SLC35F1: variants seen among roughly 807,000 people sequenced by gnomAD.
SLC35F1 encodes solute carrier family 35 member F1.
A neutral mutation model predicts 48.7 loss-of-function variants in SLC35F1; 14 were observed. That is an observed-to-expected ratio of 0.29 (90% CI 0.19 to 0.45). The LOEUF is 0.45. SLC35F1 is among the 20% of genes least tolerant of loss of function. The pLI, the probability that SLC35F1 is intolerant of heterozygous loss-of-function variation, is 1.00. For synonymous variants in SLC35F1, 190 were observed against 202.2 expected, an observed-to-expected ratio of 0.94 and a Z score of 0.51; for missense variants, 404 against 500.0, an observed-to-expected ratio of 0.81 and a Z score of 1.83.
intron 1 of SLC35F1, among the ~76,000 whole-genome samples, chr6:118,067,338 G>A (rs1162701196): frequency 6.6e-6 from 1 of 152,144 alleles, no homozygotes; most frequent in Non-Finnish European, 1.5e-5. Context: ...GCAGAGAAAT[G>A]GCTGGTGCTA....
chr6:118,136,900 G>A (rs1773805648), intron 1 of SLC35F1, among the ~76,000 whole-genome samples: 1 of 152,056 alleles, frequency 6.6e-6, no homozygotes, highest in African/African-American at 2.4e-5. Flanking sequence ...TTCTTCAAAG[G>A]GCCTCATTTC....
chr6:117,947,524 CA>C (rs1252883778), intron 1 of SLC35F1, among the ~76,000 whole-genome samples: 1 of 152,046 alleles, frequency 6.6e-6, no homozygotes, highest in Non-Finnish European at 1.5e-5. Context: ...TGGGCAAGAA[CA>C]GAATTAGAGA....
chr6:117,978,958 G>A (rs1370225579), intron 1 of SLC35F1, among the ~76,000 whole-genome samples: 1 of 152,168 alleles, frequency 6.6e-6, no homozygotes, highest in African/African-American at 2.4e-5. Flanking sequence ...TTGGGGGCAT[G>A]TGGAGCTTGC....
At chr6:118,247,043 G>C (rs1452568043) in intron 3 of SLC35F1, among the ~76,000 whole-genome samples, 1 of 152,162 alleles carries the variant, frequency 6.6e-6, no homozygotes, top group Admixed American at 6.5e-5. Flanking sequence ...GACAGGTCCT[G>C]TTACTCACAT....
intron 1 of SLC35F1, among the ~76,000 whole-genome samples, chr6:117,946,988 A>T (rs550159660): frequency 1.3e-5 from 2 of 152,350 alleles, no homozygotes; most frequent in South Asian, 4.1e-4. Flanking sequence ...ATCTGTTTTC[A>T]TGGAGCTTAC....
intron 1 of SLC35F1, among the ~76,000 whole-genome samples, chr6:118,126,595 G>C (rs1174694806): frequency 3.3e-5 from 5 of 151,282 alleles, no homozygotes; most frequent in Non-Finnish European, 7.4e-5. Flanking sequence ...TCACGATATT[G>C]ATTCTTCCTA....
At chr6:118,248,359 G>A (rs1775533370) in intron 3 of SLC35F1, among the ~76,000 whole-genome samples, 1 of 152,134 alleles carries the variant, frequency 6.6e-6, no homozygotes, top group Non-Finnish European at 1.5e-5. Flanking sequence ...ACTTTACATA[G>A]CAAAAAAGAC....
At chr6:118,067,375 T>C (rs1415114675) in intron 1 of SLC35F1, among the ~76,000 whole-genome samples, 1 of 151,992 alleles carries the variant, frequency 6.6e-6, no homozygotes, top group Non-Finnish European at 1.5e-5. Flanking sequence ...GTCATCAAGG[T>C]TTAGGTTGAA....
intron 1 of SLC35F1, among the ~76,000 whole-genome samples, chr6:117,912,610 GTTGA>G (rs1389184882): frequency 9.9e-5 from 15 of 152,188 alleles, no homozygotes; most frequent in Admixed American, 8.5e-4. Flanking sequence ...TAGTAATGAG[GTTGA>G]TTAATATAAA....
At chr6:118,076,715 A>C (rs951936647) in intron 1 of SLC35F1, among the ~76,000 whole-genome samples, 4 of 152,226 alleles carry the variant, frequency 2.6e-5, no homozygotes, top group Non-Finnish European at 5.9e-5. Flanking sequence ...CCAAACCGTT[A>C]TCAGTTGGTT....
intron 1 of SLC35F1, among the ~76,000 whole-genome samples, chr6:118,088,029 A>G (rs548971814): frequency 5.3e-5 from 8 of 152,364 alleles, no homozygotes; most frequent in African/African-American, 1.9e-4. Flanking sequence ...TTATAGTTAC[A>G]CATATTCTTA....
chr6:118,124,921 G>C (rs1582678997), intron 1 of SLC35F1, among the ~76,000 whole-genome samples: 2 of 152,128 alleles, frequency 1.3e-5, no homozygotes, highest in East Asian at 3.9e-4. Context: ...GTGCAAAATA[G>C]ATGGTGGCAA....
chr6:117,944,169 T>C (rs1215434814), intron 1 of SLC35F1, among the ~76,000 whole-genome samples: 1 of 152,252 alleles, frequency 6.6e-6, no homozygotes, highest in East Asian at 1.9e-4. Context: ...TATTCAAATA[T>C]AAAACTTGAA....
intron 2 of SLC35F1, among the ~76,000 whole-genome samples, chr6:118,215,007 C>A (rs1311524567): frequency 6.6e-6 from 1 of 152,018 alleles, no homozygotes; most frequent in East Asian, 1.9e-4. Flanking sequence ...AATCCGTGTC[C>A]CAAGACATTT....
chr6:118,290,687 A>T (rs534945147), intron 7 of SLC35F1, among the ~76,000 whole-genome samples: 2 of 152,086 alleles, frequency 1.3e-5, no homozygotes, highest in African/African-American at 2.4e-5. Context: ...CCCTGTCTCT[A>T]ACATTGGCCT....
chr6:118,185,283 T>C (rs56128767), intron 2 of SLC35F1, among the ~76,000 whole-genome samples: 19,817 of 152,220 alleles, frequency 0.13, 1,597 homozygotes, highest in Non-Finnish European at 0.18. Context: ...AAAATCCTTA[T>C]TCCTTTATCT....
At chr6:117,984,846 T>C (rs1776829116) in intron 1 of SLC35F1, among the ~76,000 whole-genome samples, 1 of 152,158 alleles carries the variant, frequency 6.6e-6, no homozygotes, top group African/African-American at 2.4e-5. Flanking sequence ...TTAACCAGAG[T>C]GCATGACAGA....
intron 7 of SLC35F1, among the ~76,000 whole-genome samples, chr6:118,301,969 T>C (rs2114660605): frequency 6.6e-6 from 1 of 152,292 alleles, no homozygotes; most frequent in Non-Finnish European, 1.5e-5. Flanking sequence ...AGGTTGAAGC[T>C]ATACACAAAA....
chr6:118,011,702 C>A (rs1777249273), intron 1 of SLC35F1, among the ~76,000 whole-genome samples: 1 of 152,172 alleles, frequency 6.6e-6, no homozygotes, highest in Non-Finnish European at 1.5e-5. Flanking sequence ...ACTCACCCAC[C>A]ACTCACCTCC....
Sources: gnomAD v4.1 joint callset for allele counts (sites outside exome capture counted in the v4.1 genomes callset) on GRCh38, gnomAD v4.1.1 for gene constraint, MANE v1.5 for transcripts, NCBI Gene and HGNC (gene_info 2026-07-23, HGNC 2026-07-21) for gene names.